Variants in HDX observed in about 807,000 individuals in gnomAD.
HDX encodes the protein chromosome X open reading frame 43.
Under a neutral mutation model 45.2 loss-of-function variants are expected in HDX, and 19 were observed. That is an observed-to-expected ratio of 0.42 (90% CI 0.29 to 0.62). The LOEUF is 0.62. HDX is among the 20% of genes least tolerant of loss of function. The probability of loss-of-function intolerance (pLI) is 0.20; values close to 1 mark genes in which losing one functional copy is unlikely to be tolerated. For synonymous variants in HDX, 188 were observed against 172.8 expected (o/e 1.09, Z -0.69); for missense variants, 532 against 493.9 (o/e 1.08, Z -0.73).
chrX:84,353,745 T>C (rs2037412899), intron 6 of HDX, among the ~76,000 whole-genome samples: 2 of 111,604 alleles, frequency 1.8e-5, no homozygotes, highest in Non-Finnish European at 3.8e-5. Context: ...AGATCACTTT[T>C]ACTAATGTGA....
intron 5 of HDX, among the ~76,000 whole-genome samples, chrX:84,368,318 CT>C (rs1313982822): frequency 9.0e-6 from 1 of 111,629 alleles, no homozygotes; most frequent in Non-Finnish European, 1.9e-5. Context: ...AAAGTGTTGT[CT>C]TTTTTACACA....
At chrX:84,336,392 A>G (rs1297549516) in intron 8 of HDX, among the ~76,000 whole-genome samples, 1 of 111,289 alleles carries the variant, frequency 9.0e-6, no homozygotes, top group East Asian at 2.8e-4. Flanking sequence ...TAGAGAACTC[A>G]GAGTCGGAAA....
chrX:84,447,968 T>C (rs902019438), intron 4 of HDX, among the ~76,000 whole-genome samples: 1 of 111,162 alleles, frequency 9.0e-6, no homozygotes, highest in Non-Finnish European at 1.9e-5. Flanking sequence ...GCCACTGCTA[T>C]CCCCACCAAG....
rs935353472 is a variant in HDX at position 84,429,843 on chromosome X, A to AT, written c.1305+10688dup. ...CATTCTACAAAGTTGAGAAAGGTCC[A>AT]TTTTTTTTGCAATGGAAAGGACAAT... is the stretch of plus-strand genomic sequence containing the variant. On this transcript the variant is annotated intron_variant, in intron 5 of 10. Coordinates refer to ENST00000373177, the MANE Select transcript of HDX (RefSeq NM_001177479.2). Among the ~76,000 whole-genome samples, 61 of 109,660 alleles carry AT rather than the reference A, an allele frequency of 5.6e-4. 1 individual carries two copies. Among genetic ancestry groups the AT allele is most frequent in the African/African-American group, 1.3e-3 (40 of 30,500 alleles).
At chrX:84,414,738 A>G in intron 5 of HDX, among the ~76,000 whole-genome samples, 1 of 111,764 alleles carries the variant, frequency 8.9e-6, no homozygotes, top group Non-Finnish European at 1.9e-5. Context: ...CATTTACTAA[A>G]CATATCATTC....
Position 84,440,468 on chromosome X carries a change from A to T in HDX, c.1305+64T>A, listed in dbSNP as rs2039736060. On this transcript the variant is annotated intron_variant, in intron 5 of 10. Coordinates refer to ENST00000373177, the MANE Select transcript of HDX (RefSeq NM_001177479.2). ...CTTTACAAATATGGCAATTTTCTCA[A>T]TGGCATTTTTACTAACAGCACAAGG... The T allele has an allele frequency of 6.5e-6, 5 of 772,890 alleles. No homozygotes were observed. The South Asian group carries it at 1.1e-4, about 17-fold the overall frequency. 63.7% of individuals were successfully genotyped at this position (772,890 alleles called of 1,213,427 possible). A position where few individuals can be genotyped will look rare whatever the true frequency, so the allele number is the denominator to read the frequency against.
chrX:84,368,396 T>C (rs963944926), intron 5 of HDX, among the ~76,000 whole-genome samples: 13 of 111,796 alleles, frequency 1.2e-4, no homozygotes, highest in Non-Finnish European at 2.3e-4. Context: ...AAATTGTGTA[T>C]GTGACTTTTA....
chrX:84,449,910 G>A (rs2039958892), intron 4 of HDX, among the ~76,000 whole-genome samples: 2 of 109,157 alleles, frequency 1.8e-5, no homozygotes, highest in Non-Finnish European at 1.9e-5. Context: ...TGAACAATGA[G>A]AACACATGGA....
intron 5 of HDX, among the ~76,000 whole-genome samples, chrX:84,406,503 C>T (rs751907426): frequency 0.025 from 1,249 of 50,687 alleles, 14 homozygotes; most frequent in South Asian, 0.11. Context: ...CACACACATA[C>T]ACACACACAC....
At chrX:84,464,892 T>C (rs1015944794) in intron 4 of HDX, among the ~76,000 whole-genome samples, 2 of 111,538 alleles carry the variant, frequency 1.8e-5, no homozygotes, top group African/African-American at 3.3e-5. Flanking sequence ...ACAGGCAACC[T>C]ACAGAATGGG....
chrX:84,479,585 T>A (rs2040630716), intron 2 of HDX, among the ~76,000 whole-genome samples: 1 of 111,947 alleles, frequency 8.9e-6, no homozygotes, highest in African/African-American at 3.2e-5. Flanking sequence ...ATGAAATTTC[T>A]GGGTCGTATG....
rs755420862 is a variant in HDX at position 84,445,256 on chromosome X, A to G, written c.1252-4671T>C. 1.5e-4 allele frequency among the ~76,000 whole-genome samples: 17 copies of G among 111,887 alleles called. No homozygotes were observed. In the South Asian group the frequency reaches 2.2e-3, roughly 15 times the overall value. On this transcript the variant is annotated intron_variant, in intron 4 of 10. Transcript: ENST00000373177. The stretch of plus-strand genomic sequence containing the variant: ...ATTTGATTACTTAGCATTTTGTTAA[A>G]TGGTATTTGATTAAATGAAGCAATC...
intron 4 of HDX, among the ~76,000 whole-genome samples, chrX:84,446,263 G>T (rs2039870229): frequency 9.0e-6 from 1 of 111,671 alleles, no homozygotes; most frequent in South Asian, 3.7e-4. Flanking sequence ...TAAAAAAATA[G>T]AAATTTGGGA....
At chrX:84,368,235 T>A (rs867072586) in intron 5 of HDX, among the ~76,000 whole-genome samples, 3 of 111,739 alleles carry the variant, frequency 2.7e-5, no homozygotes, top group African/African-American at 6.5e-5. Flanking sequence ...ATTTAAAGAA[T>A]CATGGTTTTC....
At chrX:84,348,176 G>C (rs1445339192) in intron 6 of HDX, among the ~76,000 whole-genome samples, 1 of 110,787 alleles carries the variant, frequency 9.0e-6, no homozygotes, top group Non-Finnish European at 1.9e-5. Context: ...TTTGTTTTAT[G>C]CTCTCCAGTT....
At position 84,357,599 on chromosome X, in the gene HDX, A is replaced by G. The variant is rs760777261; in HGVS notation, c.1452+3867T>C. 7.1e-5 allele frequency among the ~76,000 whole-genome samples: 8 copies of G among 111,899 alleles called. No individual in the cohort carries two copies. In the South Asian group the frequency reaches 3.0e-3, roughly 42 times the overall value. On this transcript the variant is annotated intron_variant, in intron 6 of 10. Transcript: ENST00000373177. ...ATGTAAGTGAACAGATCAATGAGGAAATCTTAAAGAGATTTTTTTTTAAGC... is the reference window on the plus strand; with the variant it reads ...ATGTAAGTGAACAGATCAATGAGGAGATCTTAAAGAGATTTTTTTTTAAGC...
chrX:84,441,753 T>C (rs748653077), intron 4 of HDX, among the ~76,000 whole-genome samples: 2 of 111,469 alleles, frequency 1.8e-5, no homozygotes, highest in South Asian at 7.4e-4. Flanking sequence ...CTTGAGCAAA[T>C]ACTTTCTGAT....
chrX:84,436,432 T>C (rs2148049864), intron 5 of HDX, among the ~76,000 whole-genome samples: 1 of 112,008 alleles, frequency 8.9e-6, no homozygotes, highest in Admixed American at 9.4e-5. Context: ...ATTATTTGAT[T>C]TTTTTTCTAG....
At chrX:84,366,237 C>T (rs1407395449) in intron 5 of HDX, among the ~76,000 whole-genome samples, 1 of 111,319 alleles carries the variant, frequency 9.0e-6, no homozygotes, top group African/African-American at 3.3e-5. Context: ...TTCACAATTG[C>T]TACAAAGAGA....
Sources: allele counts gnomAD v4.1 joint callset (sites outside exome capture counted in the v4.1 genomes callset), GRCh38; gene constraint gnomAD v4.1.1; transcripts MANE v1.5; gene names NCBI Gene and HGNC (gene_info 2026-07-23, HGNC 2026-07-21).